SLC14A2: variants seen among roughly 807,000 people sequenced by gnomAD.
SLC14A2 encodes the protein solute carrier family 14 member 2.
In SLC14A2, 91 loss-of-function variants were observed where a neutral mutation model predicts 104.6. That is an observed-to-expected ratio of 0.87 (90% CI 0.73 to 1.04). The LOEUF (loss-of-function observed/expected upper bound fraction) is 1.04, where lower values mean the gene tolerates loss of function less well. SLC14A2 is among the 50% of genes least tolerant of loss of function. The pLI is 0.00. For missense variants in SLC14A2, 1,189 were observed against 1,156.0 expected, an observed-to-expected ratio of 1.03 and a Z score of -0.41; for synonymous variants, 476 against 466.4, an observed-to-expected ratio of 1.02 and a Z score of -0.27.
intron 1 of SLC14A2, among the ~76,000 whole-genome samples, chr18:45,348,837 T>C (rs2085474623): frequency 6.6e-6 from 1 of 152,204 alleles, no homozygotes; most frequent in Admixed American, 6.5e-5. Flanking sequence ...AGCTCAAGCA[T>C]CTGTTTCCTG....
At chr18:45,191,411 G>A in the SLC14A2 span, among the ~76,000 whole-genome samples, 272 of 152,310 alleles carry the variant, frequency 1.8e-3, 1 homozygote, top group Non-Finnish European at 3.2e-3. Context: ...TCTTCCTGGG[G>A]TTCCAGAAGA....
chr18:45,668,304 C>G, intron 14 of SLC14A2, 45 bp from the exon 15 acceptor site: 1 of 1,609,042 alleles, frequency 6.2e-7, no homozygotes, highest in South Asian at 1.1e-5. Flanking sequence ...ATGTAAAGGG[C>G]CCTGGGGAAG....
At chr18:45,679,070 T>C in intron 19 of SLC14A2, 46 bp downstream of exon 19, 1 of 1,588,140 alleles carries the variant, frequency 6.3e-7, no homozygotes, top group East Asian at 2.2e-5. Flanking sequence ...TCCTTCCTGG[T>C]GTCCTCTTGG....
At chr18:45,623,124 A>G (rs1056232103) in intron 1 of SLC14A2, among the ~76,000 whole-genome samples, 1 of 152,076 alleles carries the variant, frequency 6.6e-6, no homozygotes, top group Non-Finnish European at 1.5e-5. Flanking sequence ...TGGTTGTGGG[A>G]GCTGAAGGGC....
At chr18:45,593,486 C>CTTTTTTTTTTTTTTTTTTT (rs1172271684) in intron 2 of SLC14A2, among the ~76,000 whole-genome samples, 4 of 88,792 alleles carry the variant, frequency 4.5e-5, no homozygotes, top group African/African-American at 1.9e-4. Flanking sequence ...TTTCCTTAAT[C>CTTTTTTTTTTTTTTTTTTT]TTTTTTTTTT....
At chr18:45,280,332 A>G (rs1044914658) in intron 1 of SLC14A2, among the ~76,000 whole-genome samples, 10 of 152,164 alleles carry the variant, frequency 6.6e-5, no homozygotes, top group African/African-American at 2.4e-4. Context: ...CTCAGTTCAG[A>G]CAGGAGAGAT....
chr18:45,361,910 A>G (rs562116130), intron 1 of SLC14A2, among the ~76,000 whole-genome samples: 6 of 152,294 alleles, frequency 3.9e-5, no homozygotes, highest in African/African-American at 1.2e-4. Flanking sequence ...CGGGAGCACC[A>G]CTTGACCACT....
chr18:45,330,593 G>A (rs2144259248), intron 1 of SLC14A2, among the ~76,000 whole-genome samples: 1 of 152,310 alleles, frequency 6.6e-6, no homozygotes, highest in Non-Finnish European at 1.5e-5. Flanking sequence ...CAGGAACATG[G>A]AATATGGACT....
At chr18:45,405,625 G>A (rs888422727) in intron 1 of SLC14A2, among the ~76,000 whole-genome samples, 8 of 152,128 alleles carry the variant, frequency 5.3e-5, no homozygotes, top group East Asian at 1.9e-4. Context: ...TCAATTGGCC[G>A]GGTGTGGTGG....
intron 1 of SLC14A2, among the ~76,000 whole-genome samples, chr18:45,233,381 C>T (rs1296898502): frequency 2.6e-5 from 4 of 152,252 alleles, no homozygotes; most frequent in East Asian, 3.9e-4. Context: ...TCTGGTTATA[C>T]AAATTATGTG....
chr18:45,560,939 C>T (rs2044192811), intron 2 of SLC14A2, among the ~76,000 whole-genome samples: 1 of 152,184 alleles, frequency 6.6e-6, no homozygotes, highest in Admixed American at 6.5e-5. Context: ...CTCTTCTCTT[C>T]TGCTTAACAC....
At chr18:45,365,682 C>T (rs2085659424) in intron 1 of SLC14A2, among the ~76,000 whole-genome samples, 1 of 152,190 alleles carries the variant, frequency 6.6e-6, no homozygotes, top group Non-Finnish European at 1.5e-5. Flanking sequence ...CCCTATGTCA[C>T]TTGGGCAACA....
intron 1 of SLC14A2, among the ~76,000 whole-genome samples, chr18:45,322,537 AT>A (rs1257709005): frequency 3.3e-5 from 5 of 152,236 alleles, no homozygotes; most frequent in Non-Finnish European, 7.3e-5. Flanking sequence ...AATGTTACAC[AT>A]TTGTTTGACC....
intron 1 of SLC14A2, among the ~76,000 whole-genome samples, chr18:45,475,656 T>TATTTAGG (rs1555693782): frequency 1.7e-4 from 11 of 65,744 alleles, no homozygotes; most frequent in African/African-American, 7.9e-4. Context: ...TATATATATA[T>TATTTAGG]ATATATATAT....
intron 1 of SLC14A2, among the ~76,000 whole-genome samples, chr18:45,266,238 C>T (rs766230900): frequency 2.0e-5 from 3 of 152,102 alleles, no homozygotes; most frequent in Non-Finnish European, 4.4e-5. Context: ...CGCCATCAGT[C>T]CCGACTAATG....
At chr18:45,335,897 G>C (rs1230829069) in intron 1 of SLC14A2, among the ~76,000 whole-genome samples, 1 of 152,180 alleles carries the variant, frequency 6.6e-6, no homozygotes, top group Non-Finnish European at 1.5e-5. Context: ...TCCCTGGCCA[G>C]AACAGGTAGA....
chr18:45,542,567 A>C (rs1275364586), intron 2 of SLC14A2, among the ~76,000 whole-genome samples: 12 of 152,198 alleles, frequency 7.9e-5, no homozygotes, highest in Non-Finnish European at 1.8e-4. Flanking sequence ...TAAGAAAAAA[A>C]GGATTCCTGA....
chr18:45,265,726 T>G (rs1416372184), intron 1 of SLC14A2, among the ~76,000 whole-genome samples: 5 of 152,288 alleles, frequency 3.3e-5, no homozygotes, highest in Admixed American at 3.3e-4. Flanking sequence ...GGAATAAGCC[T>G]GAGGAGAGGG....
At chr18:45,355,274 A>G (rs527342929) in intron 1 of SLC14A2, among the ~76,000 whole-genome samples, 1 of 152,236 alleles carries the variant, frequency 6.6e-6, no homozygotes, top group African/African-American at 2.4e-5. Flanking sequence ...CTCTAATCCT[A>G]TAGAGATATA....
Sources: allele counts gnomAD v4.1 joint callset (sites outside exome capture counted in the v4.1 genomes callset), GRCh38; gene constraint gnomAD v4.1.1; transcripts MANE v1.5; gene names NCBI Gene and HGNC (gene_info 2026-07-23, HGNC 2026-07-21).